The following EYS variants were observed in gnomAD, a reference collection of about 807,000 sequenced individuals.
EYS encodes the protein EGF-like photoreceptor maintenance factor.
Under a neutral mutation model 282.1 loss-of-function variants are expected in EYS, and 250 were observed. That is an observed-to-expected ratio of 0.89 (90% confidence interval 0.80 to 0.98). The LOEUF (loss-of-function observed/expected upper bound fraction) is 0.98. EYS is among the 50% of genes least tolerant of loss of function. The pLI, the probability that EYS is intolerant of heterozygous loss-of-function variation, is 0.00. For missense variants in EYS, 4,016 were observed against 3,709.0 expected (o/e 1.08, Z -2.15); for synonymous variants, 1,355 against 1,282.9 (o/e 1.06, Z -1.20).
intron 2 of EYS, among the ~76,000 whole-genome samples, chr6:65,610,451 T>C (rs1333498509): frequency 6.6e-6 from 1 of 152,062 alleles, no homozygotes; most frequent in Non-Finnish European, 1.5e-5. Flanking sequence ...TTAGATACAT[T>C]TTTATGTTTA....
intron 22 of EYS, among the ~76,000 whole-genome samples, chr6:64,640,890 A>T (rs1218745407): frequency 1.3e-5 from 2 of 152,220 alleles, no homozygotes; most frequent in South Asian, 2.1e-4. Context: ...CACGAAGCTC[A>T]GAATCTAAGG....
At chr6:64,247,238 G>C (rs1767050030) in intron 30 of EYS, among the ~76,000 whole-genome samples, 1 of 152,122 alleles carries the variant, frequency 6.6e-6, no homozygotes, top group Non-Finnish European at 1.5e-5. Flanking sequence ...ATTAGTGAAA[G>C]ACAAGTCAGT....
At chr6:65,267,594 C>T (rs1049728564) in intron 12 of EYS, among the ~76,000 whole-genome samples, 1 of 151,868 alleles carries the variant, frequency 6.6e-6, no homozygotes, top group Non-Finnish European at 1.5e-5. Context: ...TTATATTTTA[C>T]TTATGTATGT....
At chr6:64,027,052 G>C (rs1404401983) in intron 33 of EYS, among the ~76,000 whole-genome samples, 3 of 152,182 alleles carry the variant, frequency 2.0e-5, no homozygotes, top group African/African-American at 7.2e-5. Flanking sequence ...TGCAGCCTGA[G>C]AGTTTGGAGA....
chr6:64,941,197 A>G (rs928706679), intron 15 of EYS, among the ~76,000 whole-genome samples: 1 of 151,976 alleles, frequency 6.6e-6, no homozygotes, highest in Non-Finnish European at 1.5e-5. Context: ...CCTGGCTAAC[A>G]TGGTGAAACT....
chr6:63,975,313 C>T (rs558265163), intron 35 of EYS, among the ~76,000 whole-genome samples: 1 of 151,970 alleles, frequency 6.6e-6, no homozygotes, highest in African/African-American at 2.4e-5. Context: ...CATTACACTG[C>T]TTAACACAAA....
chr6:63,948,731 G>A (rs1765474804), intron 35 of EYS, among the ~76,000 whole-genome samples: 1 of 151,902 alleles, frequency 6.6e-6, no homozygotes, highest in South Asian at 2.1e-4. Flanking sequence ...TCCAAACCAG[G>A]GACAAAAGTG....
chr6:64,664,095 G>A (rs1260159390), intron 22 of EYS, among the ~76,000 whole-genome samples: 2 of 152,292 alleles, frequency 1.3e-5, no homozygotes, highest in Non-Finnish European at 1.5e-5. Context: ...AGTGGTGGAC[G>A]GCGAGTGATA....
intron 5 of EYS, among the ~76,000 whole-genome samples, chr6:65,472,812 G>T (rs1053242974): frequency 5.9e-5 from 9 of 151,590 alleles, no homozygotes; most frequent in Non-Finnish European, 1.0e-4. Flanking sequence ...TTCCTAGGTT[G>T]GTTCTTGTAA....
At chr6:65,475,307 A>G in intron 5 of EYS, among the ~76,000 whole-genome samples, 1 of 152,290 alleles carries the variant, frequency 6.6e-6, no homozygotes, top group Middle Eastern at 3.4e-3. Flanking sequence ...ACATTAGGTG[A>G]GATAAAAGAG....
intron 10 of EYS, among the ~76,000 whole-genome samples, chr6:65,343,313 T>C (rs1046884533): frequency 6.6e-6 from 1 of 151,300 alleles, no homozygotes; most frequent in Non-Finnish European, 1.5e-5. Context: ...AATTAAAACA[T>C]GGCTTTCTTA....
intron 2 of EYS, among the ~76,000 whole-genome samples, chr6:65,522,152 G>C (rs1767398227): frequency 6.6e-6 from 1 of 151,960 alleles, no homozygotes; most frequent in Non-Finnish European, 1.5e-5. Flanking sequence ...TATTATGTAA[G>C]CTTTAGATTT....
intron 12 of EYS, among the ~76,000 whole-genome samples, chr6:65,197,313 C>A (rs753065427): frequency 2.6e-4 from 40 of 152,030 alleles, no homozygotes; most frequent in Non-Finnish European, 4.6e-4. Context: ...GCTATTACTT[C>A]TTTTTGCTTG....
chr6:64,976,713 A>C (rs754893416), intron 14 of EYS, among the ~76,000 whole-genome samples: 1 of 151,964 alleles, frequency 6.6e-6, no homozygotes, highest in Non-Finnish European at 1.5e-5. Context: ...CATTTTTATC[A>C]AGTAGTGTTT....
intron 12 of EYS, among the ~76,000 whole-genome samples, chr6:65,067,461 A>G (rs1376159825): frequency 6.6e-6 from 1 of 152,136 alleles, no homozygotes; most frequent in Non-Finnish European, 1.5e-5. Context: ...GGTTTTAGAT[A>G]TGATGTGAAG....
intron 12 of EYS, among the ~76,000 whole-genome samples, chr6:65,215,370 C>T (rs1194336387): frequency 6.6e-6 from 1 of 151,956 alleles, no homozygotes; most frequent in Non-Finnish European, 1.5e-5. Context: ...AATACAAATA[C>T]GGTAGAAATA....
At chr6:64,411,317 TA>T (rs1283021019) in intron 28 of EYS, among the ~76,000 whole-genome samples, 1 of 151,868 alleles carries the variant, frequency 6.6e-6, no homozygotes, top group African/African-American at 2.4e-5. Flanking sequence ...CATAAAACAG[TA>T]ACAAGCAGAA....
At chr6:63,856,194 C>G (rs1240561208) in intron 36 of EYS, among the ~76,000 whole-genome samples, 1 of 152,028 alleles carries the variant, frequency 6.6e-6, no homozygotes, top group Non-Finnish European at 1.5e-5. Flanking sequence ...AGGGCCTGGA[C>G]TGACAGACCT....
At chr6:64,534,698 TA>T (rs1764464506) in intron 26 of EYS, among the ~76,000 whole-genome samples, 1 of 152,204 alleles carries the variant, frequency 6.6e-6, no homozygotes, top group African/African-American at 2.4e-5. Context: ...CTGTTCCAAT[TA>T]ATTATTTTGC....
Sources: gnomAD v4.1 joint callset for allele counts (sites outside exome capture counted in the v4.1 genomes callset) on GRCh38, gnomAD v4.1.1 for gene constraint, MANE v1.5 for transcripts, NCBI Gene and HGNC (gene_info 2026-07-23, HGNC 2026-07-21) for gene names.